KDM2A: variants seen among roughly 807,000 people sequenced by gnomAD.
KDM2A encodes lysine demethylase 2A, also known as lysine-specific demethylase 2A.
A neutral mutation model predicts 137.3 loss-of-function variants in KDM2A; 3 were observed. That is an observed-to-expected ratio of 0.02 (90% CI 0.01 to 0.06). KDM2A has a LOEUF of 0.06. Among genes scored for constraint, KDM2A ranks in the 10% least tolerant of loss-of-function variants. The pLI is 1.00. For missense variants in KDM2A, 738 were observed against 1,510.6 expected (o/e 0.49, Z 8.48); for synonymous variants, 512 against 541.5 (o/e 0.95, Z 0.76).
chr11:67,151,872 G>C (rs186261169), intron 2 of KDM2A, among the ~76,000 whole-genome samples: 1 of 152,000 alleles, frequency 6.6e-6, no homozygotes, highest in Non-Finnish European at 1.5e-5. Flanking sequence ...AACCTCCTGC[G>C]TAGCTAGGAC....
At chr11:67,168,030 C>G (rs1417555527) in intron 2 of KDM2A, among the ~76,000 whole-genome samples, 1 of 152,114 alleles carries the variant, frequency 6.6e-6, no homozygotes, top group South Asian at 2.1e-4. Flanking sequence ...GATTCCGACT[C>G]TTTTTATACT....
intron 17 of KDM2A, among the ~76,000 whole-genome samples, chr11:67,252,146 AG>A (rs1253302329): frequency 6.6e-6 from 1 of 152,226 alleles, no homozygotes; most frequent in Admixed American, 6.5e-5. Context: ...AGGGTGAGAG[AG>A]GACTCTGTAA....
At position 67,254,865 on chromosome 11, in the gene KDM2A, T is replaced by C. The variant is rs1330290668; in HGVS notation, c.3308-9T>C. The C allele has an allele frequency of 6.2e-7, 1 of 1,613,156 alleles. No homozygotes were observed. On this transcript the variant is annotated splice_polypyrimidine_tract_variant and intron_variant, in intron 20 of 20. Coordinates refer to ENST00000529006, the MANE Select transcript of KDM2A (RefSeq NM_012308.3). This position sits in a 1 kb window ranked among gnomAD's most constrained non-coding sequence, Gnocchi z 4.7. The stretch of plus-strand genomic sequence containing the variant: ...GTGAGCACTGTCATTATGTCCACTT[T>C]CCCGACAGGTTGCAATAAATTGACA...
intron 2 of KDM2A, among the ~76,000 whole-genome samples, chr11:67,177,080 A>C (rs1291492521): frequency 6.6e-6 from 1 of 152,164 alleles, no homozygotes; most frequent in African/African-American, 2.4e-5. Flanking sequence ...CAACATGGCG[A>C]AACCCTGTCT....
At chr11:67,209,921 A>G (rs1423383026) in intron 6 of KDM2A, among the ~76,000 whole-genome samples, 1 of 152,142 alleles carries the variant, frequency 6.6e-6, no homozygotes, top group Non-Finnish European at 1.5e-5. Flanking sequence ...TTAGCCAGGC[A>G]TGGTGGCATG....
intron 2 of KDM2A, among the ~76,000 whole-genome samples, chr11:67,142,024 G>T (rs1409494564): frequency 6.6e-6 from 1 of 151,890 alleles, no homozygotes; most frequent in Admixed American, 6.6e-5. Context: ...TGGATGAATG[G>T]TATTTCTTTC....
At chr11:67,228,616 T>C (rs1177725207) in intron 11 of KDM2A, among the ~76,000 whole-genome samples, 1 of 148,548 alleles carries the variant, frequency 6.7e-6, no homozygotes, top group Non-Finnish European at 1.5e-5. Flanking sequence ...ACCCAGGAGG[T>C]TGAGGCTGCA....
chr11:67,135,963 G>C (rs1483064795), intron 2 of KDM2A, among the ~76,000 whole-genome samples: 1 of 152,130 alleles, frequency 6.6e-6, no homozygotes, highest in Non-Finnish European at 1.5e-5. Flanking sequence ...ATTGCATTCT[G>C]TGTTTACCTT....
rs761253978 is a variant in KDM2A at position 67,243,068 on chromosome 11, A to G, written c.1539A>G (p.Ile513Met). The G allele has an allele frequency of 1.2e-6, 2 of 1,613,564 alleles. No individual in the cohort carries two copies. Among genetic ancestry groups the G allele is most frequent in the Admixed American group, 1.7e-5 (1 of 60,018 alleles). Residue 513 changes from isoleucine (I) to methionine (M), a missense_variant, in exon 13 of 21, where the codon ATA becomes ATG. Around this residue, in one of 9 missense-constraint regions of KDM2A, gnomAD observed 71 missense variants for 147.9 expected, o/e 0.48. Coordinates refer to ENST00000529006, the MANE Select transcript of KDM2A (RefSeq NM_012308.3). ...DPKLALTGVP[I>M]VQWPKRDKLK... ...AGTTAGCCCTCACTGGAGTTCCTAT[A>G]GTACAGTGGCCAAAAAGGGATAAGG...
At chr11:67,129,506 G>A (rs1049680062) in intron 2 of KDM2A, among the ~76,000 whole-genome samples, 27 of 151,910 alleles carry the variant, frequency 1.8e-4, no homozygotes, top group Admixed American at 1.4e-3. Context: ...AGGCCGAGGC[G>A]GGCGGATCAC....
chr11:67,228,250 T>A, intron 11 of KDM2A, 87 bp downstream of exon 11: 3 of 1,416,596 alleles, frequency 2.1e-6, no homozygotes, highest in Non-Finnish European at 2.9e-6. Flanking sequence ...TCACTCAATA[T>A]GTTCTTGGTT....
At chr11:67,153,572 G>T (rs1856446093) in intron 2 of KDM2A, among the ~76,000 whole-genome samples, 1 of 152,138 alleles carries the variant, frequency 6.6e-6, no homozygotes, top group African/African-American at 2.4e-5. Context: ...TGGATGTGGT[G>T]CAGGGTCTCA....
intron 18 of KDM2A, among the ~76,000 whole-genome samples, 177 bp downstream of exon 18, chr11:67,253,034 G>A (rs1027751092): frequency 4.6e-5 from 7 of 152,192 alleles, no homozygotes; most frequent in Non-Finnish European, 1.0e-4. Context: ...AGTCTCCCAG[G>A]CAGCACTCTG....
intron 19 of KDM2A, 111 bp downstream of exon 19, chr11:67,253,722 A>G (rs1184327872): frequency 1.8e-6 from 2 of 1,122,420 alleles, no homozygotes; most frequent in Non-Finnish European, 2.6e-6. Context: ...GTGGAAGAAT[A>G]GAAGAGCACA....
At chr11:67,183,332 T>A (rs1037142666) in intron 5 of KDM2A, among the ~76,000 whole-genome samples, 2 of 152,176 alleles carry the variant, frequency 1.3e-5, no homozygotes, top group Admixed American at 6.6e-5. Flanking sequence ...GGACAGTAAT[T>A]CCCTGTTTAA....
chr11:67,139,089 C>G (rs1486275566), intron 2 of KDM2A, among the ~76,000 whole-genome samples: 2 of 152,134 alleles, frequency 1.3e-5, no homozygotes, highest in African/African-American at 4.8e-5. Context: ...CTTCTCCCCC[C>G]ACCATGCTCC....
chr11:67,236,224 G>A lies in KDM2A; in HGVS notation c.1479+4264G>A, dbSNP rs531298279. 5.3e-5 allele frequency among the ~76,000 whole-genome samples: 8 copies of A among 152,218 alleles called. No individual in the cohort carries two copies. In the East Asian group the frequency reaches 1.4e-3, roughly 26 times the overall value. On this transcript the variant is annotated intron_variant, in intron 12 of 20. Coordinates refer to ENST00000529006, the MANE Select transcript of KDM2A (RefSeq NM_012308.3). ...AGGCTCACTGCAGCCTCCGCCTGTC[G>A]GGTTCAAGTGATTCTCCTGCCTCAG... is the stretch of plus-strand genomic sequence containing the variant.
chr11:67,219,259 G>A, intron 9 of KDM2A, 29 bp from the exon 10 acceptor site: 1 of 1,201,568 alleles, frequency 8.3e-7, no homozygotes, highest in Non-Finnish European at 1.2e-6. Flanking sequence ...TGTGTTTTCA[G>A]CCACTGCCCT....
chr11:67,154,828 G>GT lies in KDM2A; in HGVS notation c.43-25247dup, dbSNP rs1189816705. The stretch of plus-strand genomic sequence containing the variant: ...TAGCATATGTTCGAGGTTCATCTGT[G>GT]TTTTGGCATGTATCAGCATCTTATT... On this transcript the variant is annotated intron_variant, in intron 2 of 20. Coordinates refer to ENST00000529006, the MANE Select transcript of KDM2A (RefSeq NM_012308.3). 1.1e-4 allele frequency among the ~76,000 whole-genome samples: 17 copies of GT among 152,232 alleles called. No individual in the cohort carries two copies. In the East Asian group the frequency reaches 3.3e-3, roughly 29 times the overall value.
Sources: allele counts gnomAD v4.1 joint callset (sites outside exome capture counted in the v4.1 genomes callset), GRCh38; gene constraint gnomAD v4.1.1; regional missense constraint gnomAD v4.1.1; non-coding constraint Gnocchi (gnomAD v3.1); transcripts MANE v1.5; gene names NCBI Gene and HGNC (gene_info 2026-07-23, HGNC 2026-07-21).